ALCAM: variants seen among roughly 807,000 people sequenced by gnomAD.
ALCAM encodes activated leukocyte cell adhesion molecule.
A neutral mutation model predicts 70.9 loss-of-function variants in ALCAM; 30 were observed. The ratio of observed to expected loss-of-function variants is 0.42; its 90% CI spans 0.32 to 0.57. The LOEUF is 0.57. Ranked by LOEUF, ALCAM falls within the 20% of genes least tolerant of loss-of-function variation. The pLI is 0.11. For missense variants in ALCAM, 591 were observed against 695.1 expected, an observed-to-expected ratio of 0.85 and a Z score of 1.68; for synonymous variants, 249 against 242.5, an observed-to-expected ratio of 1.03 and a Z score of -0.25.
intron 1 of ALCAM, chr3:105,439,280 A>G (rs1223481489): frequency 6.6e-6 from 1 of 152,356 alleles, no homozygotes; most frequent in East Asian, 1.9e-4. Context: ...TTATAGACCT[A>G]TACTGAGTGC....
At chr3:105,476,036 C>T (rs182400256) in intron 1 of ALCAM, among the ~76,000 whole-genome samples, 212 of 152,044 alleles carry the variant, frequency 1.4e-3, no homozygotes, top group Non-Finnish European at 2.6e-3. Flanking sequence ...CAGCCCTCCA[C>T]GAAAATGATT....
chr3:105,413,432 C>A (rs1936435464), intron 1 of ALCAM, among the ~76,000 whole-genome samples: 1 of 152,134 alleles, frequency 6.6e-6, no homozygotes, highest in African/African-American at 2.4e-5. Context: ...CATCTTCTCT[C>A]TACACATTTG....
At chr3:105,469,677 G>C (rs556076785) in intron 1 of ALCAM, among the ~76,000 whole-genome samples, 1 of 151,064 alleles carries the variant, frequency 6.6e-6, no homozygotes, top group Non-Finnish European at 1.5e-5. Context: ...CTTAGAATTT[G>C]TATCTGTAGG....
intron 1 of ALCAM, among the ~76,000 whole-genome samples, chr3:105,373,100 A>G (rs1935278490): frequency 6.6e-6 from 1 of 152,156 alleles, no homozygotes; most frequent in African/African-American, 2.4e-5. Context: ...TCCATGAATA[A>G]ATGAATAATA....
intron 1 of ALCAM, among the ~76,000 whole-genome samples, chr3:105,378,193 T>A (rs983391497): frequency 1.5e-4 from 23 of 151,892 alleles, no homozygotes; most frequent in Non-Finnish European, 2.8e-4. Context: ...ATAAAATCTA[T>A]TTTAGTCACT....
At chr3:105,566,014 C>T (rs1940734528) in intron 14 of ALCAM, among the ~76,000 whole-genome samples, 1 of 152,196 alleles carries the variant, frequency 6.6e-6, no homozygotes, top group African/African-American at 2.4e-5. Context: ...TCATCAAGTG[C>T]AACTAGTGGC....
chr3:105,551,320 AGTTTCTCTTT>A (rs1004198306), intron 12 of ALCAM, among the ~76,000 whole-genome samples: 4 of 151,526 alleles, frequency 2.6e-5, no homozygotes, highest in Admixed American at 6.6e-5. Flanking sequence ...CCTGAACACA[AGTTTCTCTTT>A]TTATGTTAAC....
chr3:105,369,431 G>A (rs966410547), intron 1 of ALCAM, among the ~76,000 whole-genome samples: 8 of 152,218 alleles, frequency 5.3e-5, no homozygotes, highest in Non-Finnish European at 1.0e-4. Flanking sequence ...TGAATCTGAG[G>A]ATCCGATATC....
chr3:105,461,473 A>G (rs1374204616), intron 1 of ALCAM, among the ~76,000 whole-genome samples: 1 of 151,890 alleles, frequency 6.6e-6, no homozygotes, highest in Non-Finnish European at 1.5e-5. Context: ...AAGCCATTAC[A>G]TAACTGGAAG....
intron 1 of ALCAM, among the ~76,000 whole-genome samples, chr3:105,498,120 C>A (rs1002390431): frequency 6.6e-6 from 1 of 151,792 alleles, no homozygotes; most frequent in African/African-American, 2.4e-5. Flanking sequence ...TCATTATCGA[C>A]TTAATGCTGA....
chr3:105,540,693 G>A (rs533733890), intron 7 of ALCAM, among the ~76,000 whole-genome samples: 4 of 152,128 alleles, frequency 2.6e-5, no homozygotes, highest in African/African-American at 9.6e-5. Flanking sequence ...CAAGGAGAGA[G>A]CTCGCTCTGA....
intron 1 of ALCAM, among the ~76,000 whole-genome samples, chr3:105,514,756 T>C (rs1939334464): frequency 6.6e-6 from 1 of 151,894 alleles, no homozygotes; most frequent in Admixed American, 6.6e-5. Context: ...GAGGAAGGAA[T>C]AATTACTATT....
chr3:105,543,527 T>C (rs1050937742), intron 8 of ALCAM, among the ~76,000 whole-genome samples: 3 of 151,356 alleles, frequency 2.0e-5, no homozygotes, highest in Admixed American at 6.6e-5. Context: ...ACAAGATTTG[T>C]TTCCTTTTCA....
At chr3:105,489,894 T>G (rs6793359) in intron 1 of ALCAM, among the ~76,000 whole-genome samples, 2,003 of 152,334 alleles carry the variant, frequency 0.013, 34 homozygotes, top group African/African-American at 0.044. Flanking sequence ...ACATATTACT[T>G]GAACCTGTTC....
chr3:105,430,981 T>C (rs879257896), intron 1 of ALCAM, among the ~76,000 whole-genome samples: 1 of 152,120 alleles, frequency 6.6e-6, no homozygotes, highest in African/African-American at 2.4e-5. Context: ...TGGAAGTTCC[T>C]AGCACAATGC....
At chr3:105,440,682 G>A (rs1937151031) in intron 1 of ALCAM, 1 of 152,188 alleles carries the variant, frequency 6.6e-6, no homozygotes, top group Admixed American at 6.5e-5. Context: ...ACCACCTCTT[G>A]TCACTAATCA....
chr3:105,452,228 C>G (rs765921381), intron 1 of ALCAM, among the ~76,000 whole-genome samples: 5 of 152,012 alleles, frequency 3.3e-5, no homozygotes, highest in Non-Finnish European at 7.4e-5. Flanking sequence ...TCACTCCCAC[C>G]TCCCAACAGG....
At chr3:105,403,765 GA>G (rs1189991278) in intron 1 of ALCAM, among the ~76,000 whole-genome samples, 1 of 151,822 alleles carries the variant, frequency 6.6e-6, no homozygotes, top group Admixed American at 6.6e-5. Flanking sequence ...AAAGAATTTA[GA>G]AGGTTGATTA....
At chr3:105,563,667 C>CTTTCTTTTTTTTTTTTTTT (rs1940678120) in intron 14 of ALCAM, among the ~76,000 whole-genome samples, 1 of 52,034 alleles carries the variant, frequency 1.9e-5, no homozygotes, top group African/African-American at 1.0e-4. Context: ...CCAAGCATTT[C>CTTTCTTTTTTTTTTTTTTT]TTTTTTTTTT....
Sources: gnomAD v4.1 joint callset for allele counts (sites outside exome capture counted in the v4.1 genomes callset) on GRCh38, gnomAD v4.1.1 for gene constraint, MANE v1.5 for transcripts, NCBI Gene and HGNC (gene_info 2026-07-23, HGNC 2026-07-21) for gene names.